The following TENM3 variants were observed in gnomAD, a reference collection of about 807,000 sequenced individuals.
TENM3 encodes teneurin transmembrane protein 3.
In TENM3, 63 loss-of-function variants were observed where a neutral mutation model predicts 255.1. The observed-to-expected ratio is 0.25, with a 90% confidence interval of 0.20 to 0.30. The LOEUF is 0.30. TENM3 is among the 10% of genes least tolerant of loss of function. The pLI is 1.00. For missense variants in TENM3, 2,929 were observed against 3,461.1 expected (o/e 0.85, Z 3.86); for synonymous variants, 1,306 against 1,322.3 (o/e 0.99, Z 0.27).
intron 5 of TENM3, among the ~76,000 whole-genome samples, chr4:182,645,386 A>G (rs1472970405): frequency 6.6e-6 from 1 of 152,160 alleles, no homozygotes; most frequent in Admixed American, 6.5e-5. Flanking sequence ...AGTGGTTAAC[A>G]TGAAAGGAAG....
chr4:181,602,282 T>A, the TENM3 span, among the ~76,000 whole-genome samples: 4 of 152,210 alleles, frequency 2.6e-5, no homozygotes, highest in Non-Finnish European at 5.9e-5. Flanking sequence ...TTGATTTACA[T>A]CCATTACCCA....
At chr4:182,536,970 C>T (rs1740394323) in intron 3 of TENM3, among the ~76,000 whole-genome samples, 1 of 152,088 alleles carries the variant, frequency 6.6e-6, no homozygotes, top group Admixed American at 6.6e-5. Flanking sequence ...TCACTAAAAG[C>T]CTGACAGCTG....
the TENM3 span, among the ~76,000 whole-genome samples, chr4:182,062,199 T>C: frequency 2.6e-5 from 4 of 152,144 alleles, no homozygotes; most frequent in African/African-American, 9.7e-5. Context: ...ACCCCTGAAA[T>C]GTGTACCCAA....
At chr4:181,984,239 A>G in the TENM3 span, among the ~76,000 whole-genome samples, 1 of 151,964 alleles carries the variant, frequency 6.6e-6, no homozygotes, top group Non-Finnish European at 1.5e-5. Flanking sequence ...GACTCATCCC[A>G]TTGCTAACAT....
At chr4:182,445,883 C>T (rs1027596703) in intron 3 of TENM3, among the ~76,000 whole-genome samples, 3 of 152,086 alleles carry the variant, frequency 2.0e-5, no homozygotes, top group East Asian at 1.9e-4. Context: ...TTATAGAAGG[C>T]GATATCCATA....
At chr4:182,023,843 G>C in the TENM3 span, among the ~76,000 whole-genome samples, 12,794 of 152,112 alleles carry the variant, frequency 0.084, 894 homozygotes, top group East Asian at 0.29. Context: ...TAATCCACTG[G>C]TTGTCATACT....
At chr4:182,630,169 G>A (rs925667941) in intron 5 of TENM3, among the ~76,000 whole-genome samples, 4 of 152,062 alleles carry the variant, frequency 2.6e-5, no homozygotes, top group Admixed American at 2.6e-4. Context: ...TTTAATCTAA[G>A]TTAACTTTCT....
chr4:181,745,205 T>A, the TENM3 span, among the ~76,000 whole-genome samples: 2 of 152,074 alleles, frequency 1.3e-5, no homozygotes, highest in African/African-American at 4.8e-5. Context: ...TGGAAGCTGT[T>A]TGTAAAATCC....
At chr4:181,638,682 C>T in the TENM3 span, among the ~76,000 whole-genome samples, 1 of 152,152 alleles carries the variant, frequency 6.6e-6, no homozygotes, top group African/African-American at 2.4e-5. Flanking sequence ...TATTGGAAAA[C>T]ATAATACATC....
chr4:182,259,174 G>A (rs949721867), intron 1 of TENM3, among the ~76,000 whole-genome samples: 8 of 152,120 alleles, frequency 5.3e-5, no homozygotes, highest in Non-Finnish European at 1.2e-4. Flanking sequence ...TTATAATTCT[G>A]GATATCCTGG....
chr4:181,546,098 T>C, the TENM3 span, among the ~76,000 whole-genome samples: 2 of 152,224 alleles, frequency 1.3e-5, no homozygotes, highest in Admixed American at 1.3e-4. Flanking sequence ...GCAAAGGTCT[T>C]GCGTTCTTAT....
chr4:182,593,223 T>C (rs958606172), intron 3 of TENM3, among the ~76,000 whole-genome samples: 46 of 152,226 alleles, frequency 3.0e-4, no homozygotes, highest in African/African-American at 1.1e-3. Flanking sequence ...TTCCACTTGC[T>C]ATCATTATTA....
At chr4:181,499,699 G>C in the TENM3 span, among the ~76,000 whole-genome samples, 1 of 152,172 alleles carries the variant, frequency 6.6e-6, no homozygotes, top group Non-Finnish European at 1.5e-5. Flanking sequence ...AAGGAAGCTG[G>C]GTGGGGTAAA....
the TENM3 span, among the ~76,000 whole-genome samples, chr4:182,056,373 C>T: frequency 6.6e-6 from 1 of 152,178 alleles, no homozygotes; most frequent in Non-Finnish European, 1.5e-5. Flanking sequence ...ACCAACTACA[C>T]TGTTATTTTC....
At chr4:181,851,178 C>T in the TENM3 span, among the ~76,000 whole-genome samples, 6 of 152,178 alleles carry the variant, frequency 3.9e-5, no homozygotes, top group Non-Finnish European at 7.3e-5. Context: ...CCAGTTTCCT[C>T]TGAGAGAATA....
intron 1 of TENM3, among the ~76,000 whole-genome samples, chr4:182,292,191 A>G (rs1228635955): frequency 6.6e-6 from 1 of 152,188 alleles, no homozygotes; most frequent in Non-Finnish European, 1.5e-5. Flanking sequence ...TTGTAAAAAA[A>G]TGTAGGATAT....
At position 182,774,935 on chromosome 4, in the gene TENM3, T is replaced by C; in HGVS notation, c.5086T>C (p.Tyr1696His). The change falls in exon 24 of 28, where the codon TAC becomes CAC. Residue 1696 changes from tyrosine (Y) to histidine (H), a missense_variant. Tyr to His is a moderately conservative substitution (Grantham distance 83). Around this residue, in one of 6 missense-constraint regions of TENM3, gnomAD observed 1,608 missense variants for 1,884.4 expected, o/e 0.85. Coordinates refer to ENST00000511685, the MANE Select transcript of TENM3 (RefSeq NM_001080477.4). ...TMVQDQLRNS[Y>H]QIGYDGSLRI... The stretch of plus-strand genomic sequence containing the variant: ...TTCTTTAGATCAGTTAAGAAACAGC[T>C]ACCAGATTGGTTATGACGGCTCCCT... 6.2e-7 allele frequency: 1 copy of C among 1,612,818 alleles called. No individual in the cohort carries two copies. Among genetic ancestry groups the C allele is most frequent in the Non-Finnish European group, 8.5e-7 (1 of 1,179,106 alleles).
At chr4:182,362,886 A>G (rs1489469135) in intron 3 of TENM3, among the ~76,000 whole-genome samples, 1 of 152,122 alleles carries the variant, frequency 6.6e-6, no homozygotes, top group Non-Finnish European at 1.5e-5. Context: ...AAAAACTTTT[A>G]TTTTTTAAGG....
the TENM3 span, among the ~76,000 whole-genome samples, chr4:181,522,239 A>G: frequency 0.12 from 18,931 of 152,132 alleles, 1,333 homozygotes; most frequent in East Asian, 0.2. Context: ...AAAATTTCAC[A>G]TCAATGAGAA....
Sources: gnomAD v4.1 joint callset for allele counts (sites outside exome capture counted in the v4.1 genomes callset) on GRCh38, gnomAD v4.1.1 for gene constraint, gnomAD v4.1.1 regional missense constraint, MANE v1.5 for transcripts, NCBI Gene and HGNC (gene_info 2026-07-23, HGNC 2026-07-21) for gene names.